SMYD3: variants seen among roughly 807,000 people sequenced by gnomAD.
The protein encoded by SMYD3 is SET and MYND domain containing 3.
Under a neutral mutation model 57.7 loss-of-function variants are expected in SMYD3, and 36 were observed. The ratio of observed to expected loss-of-function variants is 0.62; its 90% CI spans 0.48 to 0.82. SMYD3 has a LOEUF of 0.82. Among genes scored for constraint, SMYD3 ranks in the 40% least tolerant of loss-of-function variants. The pLI is 0.00. For synonymous variants in SMYD3, 211 were observed against 195.0 expected (o/e 1.08, Z -0.68); for missense variants, 515 against 538.8 (o/e 0.96, Z 0.44).
intron 1 of SMYD3, among the ~76,000 whole-genome samples, chr1:246,456,621 T>C (rs1294773279): frequency 6.6e-6 from 1 of 152,244 alleles, no homozygotes; most frequent in African/African-American, 2.4e-5. Context: ...TGTTGAAGCA[T>C]TTAGCACCAT....
chr1:245,905,632 G>A (rs916884623), intron 8 of SMYD3, among the ~76,000 whole-genome samples: 2 of 152,222 alleles, frequency 1.3e-5, no homozygotes, highest in African/African-American at 4.8e-5. Context: ...CTGGGGCCTG[G>A]GGGACCTCAT....
intron 1 of SMYD3, among the ~76,000 whole-genome samples, chr1:246,464,880 A>C (rs1474831481): frequency 6.6e-6 from 1 of 152,222 alleles, no homozygotes. Context: ...GCAAAGAAAG[A>C]AGAGGGTTTT....
intron 5 of SMYD3, among the ~76,000 whole-genome samples, chr1:246,317,050 T>C (rs923319433): frequency 5.7e-4 from 86 of 151,922 alleles, no homozygotes; most frequent in African/African-American, 2.0e-3. Flanking sequence ...CAGCTAAGAA[T>C]GACAGTTTAA....
At chr1:245,771,939 A>G (rs2046356003) in intron 10 of SMYD3, among the ~76,000 whole-genome samples, 1 of 152,218 alleles carries the variant, frequency 6.6e-6, no homozygotes, top group East Asian at 1.9e-4. Flanking sequence ...ACTTCTTACC[A>G]TGACCTTAAT....
chr1:245,898,403 T>C (rs2053968638), intron 8 of SMYD3, among the ~76,000 whole-genome samples: 1 of 152,204 alleles, frequency 6.6e-6, no homozygotes, highest in Non-Finnish European at 1.5e-5. Flanking sequence ...AGGAAATTGG[T>C]ATTTTGAAAC....
At chr1:246,365,016 G>A (rs2148721389) in intron 1 of SMYD3, among the ~76,000 whole-genome samples, 1 of 152,254 alleles carries the variant, frequency 6.6e-6, no homozygotes, top group East Asian at 1.9e-4. Context: ...AGACTTGAAG[G>A]TTAAAAGCAT....
At chr1:246,097,273 T>G (rs2060931314) in intron 5 of SMYD3, among the ~76,000 whole-genome samples, 4 of 151,956 alleles carry the variant, frequency 2.6e-5, no homozygotes, top group Admixed American at 2.0e-4. Flanking sequence ...AAACAATAAA[T>G]AGGGAGGGGG....
At position 246,505,008 on chromosome 1, in the gene SMYD3, G is replaced by A. The variant is rs561822733; in HGVS notation, c.164+2046C>T. ...TGGAACACTATAACCACTAAAATGGGAGTGTTCAAACAGAGCAACTACTAC... is the reference window on the plus strand; with the variant it reads ...TGGAACACTATAACCACTAAAATGGAAGTGTTCAAACAGAGCAACTACTAC... On this transcript the variant is annotated intron_variant, in intron 1 of 11. Transcript: ENST00000490107. Among the ~76,000 whole-genome samples, 64 of 152,272 alleles carry A rather than the reference G, an allele frequency of 4.2e-4. No homozygotes were observed. The South Asian group carries it at 4.6e-3, about 11-fold the overall frequency.
chr1:246,468,220 A>G (rs2067908365), intron 1 of SMYD3, among the ~76,000 whole-genome samples: 1 of 152,166 alleles, frequency 6.6e-6, no homozygotes, highest in African/African-American at 2.4e-5. Flanking sequence ...AGGGACGCAA[A>G]GATGGTTTAA....
chr1:245,858,335 C>A (rs906252203), intron 10 of SMYD3, among the ~76,000 whole-genome samples, 161 bp downstream of exon 10: 1 of 152,326 alleles, frequency 6.6e-6, no homozygotes, highest in African/African-American at 2.4e-5. Context: ...AGTGAATGAA[C>A]AAGAGGAGTG....
chr1:246,117,425 T>C (rs1037521873), intron 5 of SMYD3, among the ~76,000 whole-genome samples: 1 of 152,116 alleles, frequency 6.6e-6, no homozygotes, highest in Non-Finnish European at 1.5e-5. Flanking sequence ...CAAAAATACC[T>C]CTCGAAGCCA....
intron 8 of SMYD3, among the ~76,000 whole-genome samples, chr1:245,885,455 T>C (rs2053038975): frequency 6.6e-6 from 1 of 152,208 alleles, no homozygotes; most frequent in Non-Finnish European, 1.5e-5. Flanking sequence ...TTTTACAGGC[T>C]GTTCTTTGTT....
At chr1:246,210,917 T>C (rs1572217961) in intron 5 of SMYD3, among the ~76,000 whole-genome samples, 1 of 152,214 alleles carries the variant, frequency 6.6e-6, no homozygotes, top group Non-Finnish European at 1.5e-5. Context: ...GCTGCACTGC[T>C]TTCGGCCCCG....
intron 8 of SMYD3, among the ~76,000 whole-genome samples, chr1:245,909,728 AG>A (rs1387334498): frequency 6.6e-6 from 1 of 152,164 alleles, no homozygotes; most frequent in Non-Finnish European, 1.5e-5. Context: ...TCATTTCAAT[AG>A]ATGTTGAAAA....
chr1:246,294,050 C>A (rs2064747801), intron 5 of SMYD3, among the ~76,000 whole-genome samples: 1 of 152,156 alleles, frequency 6.6e-6, no homozygotes. Context: ...CCCTCTCAGT[C>A]GCCTTTGCTG....
chr1:246,282,365 G>A (rs909475026), intron 5 of SMYD3, among the ~76,000 whole-genome samples: 5 of 138,858 alleles, frequency 3.6e-5, no homozygotes, highest in African/African-American at 1.4e-4. Flanking sequence ...TGGGGGTGGT[G>A]TTGCCCACCT....
rs926102736 is a variant in SMYD3 at position 246,355,188 on chromosome 1, C to A, written c.165-94G>T. 8.0e-7 allele frequency: 1 copy of A among 1,247,150 alleles called. No homozygotes were observed. The highest frequency in any genetic ancestry group is 1.2e-5 in the South Asian group (1 of 80,400). The allele number at this position is 1,247,150 out of a possible 1,614,324, so 77.3% of individuals were successfully genotyped here. A position where few individuals can be genotyped will look rare whatever the true frequency, so the allele number is the denominator to read the frequency against. On this transcript the variant is annotated intron_variant, in intron 1 of 11. Coordinates refer to ENST00000490107, the MANE Select transcript of SMYD3 (RefSeq NM_001167740.2). This position sits in a 1 kb window ranked among gnomAD's most constrained non-coding sequence, Gnocchi z 5.0. ...AAACATAAGTCAACATACGGACACC[C>A]GTATGTTCTGTTTACTCCATTATGT...
At chr1:245,907,304 T>C (rs181358998) in intron 8 of SMYD3, among the ~76,000 whole-genome samples, 2 of 152,334 alleles carry the variant, frequency 1.3e-5, no homozygotes, top group Admixed American at 1.3e-4. Flanking sequence ...ATTGCATCCT[T>C]GTATCAAAAC....
intron 2 of SMYD3, among the ~76,000 whole-genome samples, chr1:246,339,473 A>C (rs1558410615): frequency 6.6e-6 from 1 of 151,368 alleles, no homozygotes; most frequent in Admixed American, 6.6e-5. Flanking sequence ...GAGGGCAATA[A>C]AAATAGTTCT....
Sources: gnomAD v4.1 joint callset for allele counts (sites outside exome capture counted in the v4.1 genomes callset) on GRCh38, gnomAD v4.1.1 for gene constraint, Gnocchi (gnomAD v3.1) non-coding constraint, MANE v1.5 for transcripts, NCBI Gene and HGNC (gene_info 2026-07-23, HGNC 2026-07-21) for gene names.